The following FSTL5 variants were observed in gnomAD, a reference collection of about 807,000 sequenced individuals.
FSTL5 encodes the protein follistatin-related protein 5.
A neutral mutation model predicts 89.1 loss-of-function variants in FSTL5; 62 were observed. The observed-to-expected ratio is 0.70, with a 90% CI of 0.57 to 0.86. The LOEUF is 0.86. Ranked by LOEUF, FSTL5 falls within the 40% of genes least tolerant of loss-of-function variation. The pLI, the probability that FSTL5 is intolerant of heterozygous loss-of-function variation, is 0.00. For missense variants in FSTL5, 1,057 were observed against 1,001.6 expected, an observed-to-expected ratio of 1.06 and a Z score of -0.75; for synonymous variants, 383 against 346.2, an observed-to-expected ratio of 1.11 and a Z score of -1.18.
intron 4 of FSTL5, among the ~76,000 whole-genome samples, chr4:161,865,674 G>GCCTT: frequency 6.6e-6 from 1 of 152,040 alleles, no homozygotes; most frequent in Non-Finnish European, 1.5e-5. Context: ...AGTCTTAAAA[G>GCCTT]CCTTCTGCCT....
intron 4 of FSTL5, among the ~76,000 whole-genome samples, chr4:161,779,705 C>A (rs1741549005): frequency 7.2e-6 from 1 of 138,430 alleles, no homozygotes; most frequent in Non-Finnish European, 1.5e-5. Context: ...TATTTAATAG[C>A]TAAAATTAAA....
intron 4 of FSTL5, among the ~76,000 whole-genome samples, chr4:161,830,205 C>T (rs1035022567): frequency 3.9e-5 from 6 of 151,980 alleles, no homozygotes; most frequent in Admixed American, 2.6e-4. Flanking sequence ...CTATCAGACA[C>T]ATTTTTTTCT....
At chr4:162,061,450 G>GT (rs1314868739) in intron 2 of FSTL5, among the ~76,000 whole-genome samples, 2 of 152,062 alleles carry the variant, frequency 1.3e-5, no homozygotes, top group African/African-American at 4.8e-5. Context: ...GTTGGAAATG[G>GT]TATTAGGAGT....
At chr4:161,720,204 C>CA (rs34684242) in intron 6 of FSTL5, among the ~76,000 whole-genome samples, 71,843 of 141,640 alleles carry the variant, frequency 0.51, 20,382 homozygotes, top group Non-Finnish European at 0.64. Context: ...AACACAATAG[C>CA]AAAAAAAAAA....
chr4:161,810,676 A>C (rs1459689558), intron 4 of FSTL5, among the ~76,000 whole-genome samples: 1 of 152,200 alleles, frequency 6.6e-6, no homozygotes, highest in East Asian at 1.9e-4. Flanking sequence ...CTCAGTGAGA[A>C]AGACAACACT....
At chr4:162,051,113 T>C (rs956133075) in intron 2 of FSTL5, among the ~76,000 whole-genome samples, 2 of 151,592 alleles carry the variant, frequency 1.3e-5, no homozygotes, top group African/African-American at 4.8e-5. Flanking sequence ...AGGATGTGTA[T>C]GTGTACTTGG....
At chr4:161,491,696 C>G (rs1365578592) in intron 12 of FSTL5, among the ~76,000 whole-genome samples, 1 of 152,072 alleles carries the variant, frequency 6.6e-6, no homozygotes, top group African/African-American at 2.4e-5. Flanking sequence ...CAAAAATTAG[C>G]TGGGCGTGGT....
chr4:161,611,553 C>T (rs992846318), intron 7 of FSTL5, among the ~76,000 whole-genome samples: 1 of 151,794 alleles, frequency 6.6e-6, no homozygotes, highest in Non-Finnish European at 1.5e-5. Context: ...AATATAATAC[C>T]TATTTGGGAA....
At chr4:161,848,000 C>T (rs1482200623) in intron 4 of FSTL5, among the ~76,000 whole-genome samples, 3 of 125,280 alleles carry the variant, frequency 2.4e-5, no homozygotes, top group East Asian at 5.5e-4. Flanking sequence ...CGCGCCACTG[C>T]ACTCCAGCCT....
intron 13 of FSTL5, among the ~76,000 whole-genome samples, chr4:161,472,039 C>T (rs915521661): frequency 1.7e-4 from 25 of 149,932 alleles, no homozygotes; most frequent in Middle Eastern, 3.4e-3. Flanking sequence ...TGCAGTGGCA[C>T]GATCTTGGCT....
Position 161,976,148 on chromosome 4 carries a change from C to T in FSTL5, c.161-55496G>A, listed in dbSNP as rs138176933. Among the ~76,000 whole-genome samples the T allele has an allele frequency of 3.6e-4, 54 of 151,216 alleles. No homozygotes were observed. The East Asian group carries it at 0.01, about 28-fold the overall frequency. The stretch of plus-strand genomic sequence containing the variant: ...AAAAAAAAAAAAAAAAAGATTACCT[C>T]CAAGCATTTCATCTCCACTCACGTT... On this transcript the variant is annotated intron_variant, in intron 3 of 15. Coordinates refer to ENST00000306100, the MANE Select transcript of FSTL5 (RefSeq NM_020116.5).
chr4:161,810,330 AT>A (rs1370337056), intron 4 of FSTL5, among the ~76,000 whole-genome samples: 1 of 152,162 alleles, frequency 6.6e-6, no homozygotes, highest in Admixed American at 6.5e-5. Flanking sequence ...TACTACTAAT[AT>A]TTCAAGTTTT....
At chr4:162,147,127 A>G (rs1733033406) in intron 1 of FSTL5, among the ~76,000 whole-genome samples, 1 of 152,072 alleles carries the variant, frequency 6.6e-6, no homozygotes, top group African/African-American at 2.4e-5. Flanking sequence ...ACATAAAATG[A>G]AATTTAGTTA....
At chr4:161,732,754 T>G (rs1739660265) in intron 6 of FSTL5, among the ~76,000 whole-genome samples, 1 of 152,120 alleles carries the variant, frequency 6.6e-6, no homozygotes, top group Non-Finnish European at 1.5e-5. Flanking sequence ...TTGAAAGGAT[T>G]ACTCCTTCCT....
At chr4:161,753,627 AT>A (rs1237036529) in intron 6 of FSTL5, among the ~76,000 whole-genome samples, 2 of 152,168 alleles carry the variant, frequency 1.3e-5, no homozygotes, top group Admixed American at 6.5e-5. Context: ...TGTAATATTC[AT>A]TTTTATTGTT....
chr4:161,983,260 T>C (rs1222176578), intron 3 of FSTL5, among the ~76,000 whole-genome samples: 1 of 152,180 alleles, frequency 6.6e-6, no homozygotes, highest in South Asian at 2.1e-4. Context: ...GTGTTTCCTT[T>C]CCGTCTTTTA....
chr4:161,777,149 T>C (rs906934955), intron 4 of FSTL5, among the ~76,000 whole-genome samples: 5 of 151,932 alleles, frequency 3.3e-5, no homozygotes, highest in Middle Eastern at 3.4e-3. Context: ...CTATGCCTGG[T>C]TTATTTCACT....
At chr4:161,709,496 T>C (rs1738701210) in intron 6 of FSTL5, among the ~76,000 whole-genome samples, 1 of 152,178 alleles carries the variant, frequency 6.6e-6, no homozygotes, top group Non-Finnish European at 1.5e-5. Context: ...ATGATGATCA[T>C]CTTGAATAAG....
intron 2 of FSTL5, among the ~76,000 whole-genome samples, chr4:162,098,080 C>G (rs1201833851): frequency 1.3e-5 from 2 of 151,288 alleles, no homozygotes; most frequent in East Asian, 3.9e-4. Context: ...TAAAAAATAA[C>G]CAAAAAACAA....
Sources: gnomAD v4.1 joint callset for allele counts (sites outside exome capture counted in the v4.1 genomes callset) on GRCh38, gnomAD v4.1.1 for gene constraint, MANE v1.5 for transcripts, NCBI Gene and HGNC (gene_info 2026-07-23, HGNC 2026-07-21) for gene names.